Variants in TEAD4 observed in about 807,000 individuals in gnomAD.
The protein encoded by TEAD4 is TEA domain transcription factor 4.
TEAD4 carries 36 observed loss-of-function variants against 52.4 expected under a neutral mutation model. That is an observed-to-expected ratio of 0.69 (90% CI 0.53 to 0.91). The LOEUF (loss-of-function observed/expected upper bound fraction) is 0.91. TEAD4 is among the 40% of genes least tolerant of loss of function. The pLI is 0.00. For synonymous variants in TEAD4, 220 were observed against 231.0 expected (o/e 0.95, Z 0.43); for missense variants, 508 against 583.9 (o/e 0.87, Z 1.34).
At chr12:3,017,293 G>A in intron 5 of TEAD4, 105 bp from the exon 6 acceptor site, 1 of 1,485,058 alleles carries the variant, frequency 6.7e-7, no homozygotes. Context: ...CCCCAGCTCT[G>A]GCCACTGGCA....
Position 2,964,459 on chromosome 12 carries a change from C to CT in TEAD4, c.-30+4434dup, listed in dbSNP as rs768389942. On this transcript the variant is annotated intron_variant, in intron 2 of 12. Transcript: ENST00000359864. ...GACAACGTGAGGGATTTCTTTCTTT[C>CT]TTTTTTTTTTTTTTTGAGACGGAGT... Among the ~76,000 whole-genome samples the CT allele has an allele frequency of 4.9e-3, 688 of 140,226 alleles. 4 individuals carry two copies. Among genetic ancestry groups the CT allele is most frequent in the Middle Eastern group, 0.011 (3 of 266 alleles). The allele number at this position is 140,226 out of a possible 152,430, so 92.0% of individuals were successfully genotyped here.
rs764354702 is a variant in TEAD4, at chr12:3,019,106, C to A, written c.528-9C>A. 4 of 1,614,004 alleles carry A rather than the reference C, an allele frequency of 2.5e-6. No homozygotes were observed. The highest frequency in any genetic ancestry group is 3.4e-6 in the Non-Finnish European group (4 of 1,179,938). ...GAGGCTGACACCTCCCCTCCTCTCT[C>A]TCCCGCAGTGTGAAGCCTTTCTCTC... On this transcript the variant is annotated splice_polypyrimidine_tract_variant and intron_variant, in intron 7 of 12. Transcript: ENST00000359864.
chr12:2,971,938 A>T (rs2153952830), intron 2 of TEAD4, among the ~76,000 whole-genome samples: 1 of 143,880 alleles, frequency 7.0e-6, no homozygotes, highest in East Asian at 2.1e-4. Context: ...TCAGCCTCCC[A>T]AATAGTTGAG....
chr12:3,017,325 G>A (rs2098265291), intron 5 of TEAD4, 73 bp from the exon 6 acceptor site: 40 of 1,603,218 alleles, frequency 2.5e-5, no homozygotes, highest in Non-Finnish European at 3.1e-5. Context: ...TCCCTGACCC[G>A]AGGGCCGGAC....
intron 10 of TEAD4, among the ~76,000 whole-genome samples, chr12:3,024,497 C>T (rs2098270810): frequency 6.6e-6 from 1 of 152,008 alleles, no homozygotes; most frequent in Non-Finnish European, 1.5e-5. Context: ...GAAACCCCAT[C>T]TATACAAAAA....
chr12:3,014,726 A>C (rs1193366441), intron 5 of TEAD4, among the ~76,000 whole-genome samples: 1 of 152,080 alleles, frequency 6.6e-6, no homozygotes, highest in Admixed American at 6.5e-5. Context: ...CCCTGGCTCC[A>C]TTGCCCGGCT....
intron 2 of TEAD4, among the ~76,000 whole-genome samples, chr12:2,976,356 C>CTCA (rs1555120657): frequency 3.7e-5 from 2 of 53,716 alleles, no homozygotes; most frequent in Non-Finnish European, 1.1e-4. Flanking sequence ...TACACCCTGC[C>CTCA]CCCTCCCAAC....
At chr12:2,999,021 A>T (rs559996655) in intron 3 of TEAD4, among the ~76,000 whole-genome samples, 2 of 152,184 alleles carry the variant, frequency 1.3e-5, no homozygotes, top group East Asian at 3.9e-4. Flanking sequence ...CTGCGTGGGG[A>T]CTGATGGAGG....
chr12:2,966,615 A>G (rs1298070493), intron 2 of TEAD4, among the ~76,000 whole-genome samples: 1 of 151,200 alleles, frequency 6.6e-6, no homozygotes, highest in Non-Finnish European at 1.5e-5. Context: ...GTTTCACCAT[A>G]TTGGTCAGAC....
At chr12:3,020,867 T>TA in intron 9 of TEAD4, 94 bp downstream of exon 9, 7 of 1,321,564 alleles carry the variant, frequency 5.3e-6, no homozygotes, top group Non-Finnish European at 7.0e-6. Flanking sequence ...TGCTGGGGCT[T>TA]AATTCAAGTT....
chr12:3,009,477 A>C (rs989865481), intron 3 of TEAD4, among the ~76,000 whole-genome samples: 1 of 152,212 alleles, frequency 6.6e-6, no homozygotes, highest in Non-Finnish European at 1.5e-5. Context: ...GCTGAGTGAA[A>C]GTCCTTAAAG....
rs572255888 is a variant in TEAD4, at chr12:2,977,042, C to T, written c.-30+17002C>T. ...CTCCTGATGACTACAGGGCAATGAC[C>T]GTGAATCACGTGCAAGGAGCCCCTT... On this transcript the variant is annotated intron_variant, in intron 2 of 12. Coordinates refer to ENST00000359864, the MANE Select transcript of TEAD4 (RefSeq NM_003213.4). Among the ~76,000 whole-genome samples, 121 of 151,608 alleles carry T rather than the reference C, an allele frequency of 8.0e-4. 3 individuals are homozygous for T. In the South Asian group the frequency reaches 0.013, roughly 16 times the overall value.
Position 3,012,117 on chromosome 12 carries a change from G to T in TEAD4, c.292-53G>T, listed in dbSNP as rs938392031. The T allele has an allele frequency of 7.5e-6, 12 of 1,596,562 alleles. No homozygotes were observed. In the Admixed American group the frequency reaches 1.5e-4, roughly 20 times the overall value. On this transcript the variant is annotated intron_variant, in intron 4 of 12. Coordinates refer to ENST00000359864, the MANE Select transcript of TEAD4 (RefSeq NM_003213.4). ...GGGCGAGAGTCAGGAAGCCAGGCTGGGGAACACAGGTTGTTGGGAGGTAGA... is the reference window on the plus strand; with the variant it reads ...GGGCGAGAGTCAGGAAGCCAGGCTGTGGAACACAGGTTGTTGGGAGGTAGA...
At chr12:3,030,537 T>C (rs2098274861) in intron 10 of TEAD4, among the ~76,000 whole-genome samples, 1 of 152,194 alleles carries the variant, frequency 6.6e-6, no homozygotes, top group Admixed American at 6.5e-5. Flanking sequence ...TGGAATCCAG[T>C]GTGGTCCTAA....
intron 11 of TEAD4, among the ~76,000 whole-genome samples, chr12:3,039,491 G>A (rs983602495): frequency 6.6e-6 from 1 of 152,092 alleles, no homozygotes; most frequent in African/African-American, 2.4e-5. Context: ...TGTAGACAGG[G>A]AAATTTGCAT....
chr12:2,963,936 A>G (rs563042020), intron 2 of TEAD4, among the ~76,000 whole-genome samples: 1 of 152,222 alleles, frequency 6.6e-6, no homozygotes, highest in South Asian at 2.1e-4. Flanking sequence ...CCCAAACTTC[A>G]TGGGAACAAT....
chr12:2,960,207 TG>T, intron 2 of TEAD4, 167 bp downstream of exon 2: 2 of 815,396 alleles, frequency 2.5e-6, no homozygotes, highest in Non-Finnish European at 3.0e-6. Context: ...GTAAGGGGGG[TG>T]GACACTCGGG....
chr12:2,988,240 C>T (rs922487869), intron 2 of TEAD4, among the ~76,000 whole-genome samples: 4 of 151,814 alleles, frequency 2.6e-5, no homozygotes, highest in Non-Finnish European at 4.4e-5. Context: ...GGGTCTGGCG[C>T]GGTGGTTCAG....
intron 3 of TEAD4, among the ~76,000 whole-genome samples, chr12:3,001,719 G>C (rs2098251830): frequency 6.6e-6 from 1 of 151,854 alleles, no homozygotes; most frequent in African/African-American, 2.4e-5. Flanking sequence ...GGAGGTTTCA[G>C]TGAGCCGAGA....
Sources: gnomAD v4.1 joint callset for allele counts (sites outside exome capture counted in the v4.1 genomes callset) on GRCh38, gnomAD v4.1.1 for gene constraint, MANE v1.5 for transcripts, NCBI Gene and HGNC (gene_info 2026-07-23, HGNC 2026-07-21) for gene names.